The following NYAP2 variants were observed in gnomAD, a reference collection of about 807,000 sequenced individuals.
The protein encoded by NYAP2 is neuronal tyrosine-phosphorylated phosphoinositide-3-kinase adaptor 2.
In NYAP2, 23 loss-of-function variants were observed where a neutral mutation model predicts 50.4. That is an observed-to-expected ratio of 0.46 (90% CI 0.33 to 0.65). The LOEUF (loss-of-function observed/expected upper bound fraction) is 0.65. Among genes scored for constraint, NYAP2 ranks in the 30% least tolerant of loss-of-function variants. The pLI is 0.02. For synonymous variants in NYAP2, 394 were observed against 365.2 expected (o/e 1.08, Z -0.90); for missense variants, 885 against 861.0 (o/e 1.03, Z -0.35).
At chr2:225,645,063 C>T (rs1359380279) in intron 6 of NYAP2, among the ~76,000 whole-genome samples, 1 of 152,018 alleles carries the variant, frequency 6.6e-6, no homozygotes, top group East Asian at 1.9e-4. Context: ...GGTTCGAGAC[C>T]AGCTTGGCCA....
Position 225,626,899 on chromosome 2 carries a change from A to T in NYAP2, c.1619-18A>T. ...CTTTACTCTTGTTTAACAGAATGTAATTCTGGTTACTACACAGAATCAACA... is the reference window on the plus strand; with the variant it reads ...CTTTACTCTTGTTTAACAGAATGTATTTCTGGTTACTACACAGAATCAACA... On this transcript the variant is annotated intron_variant, in intron 5 of 6. Transcript: ENST00000636099. 6.5e-7 allele frequency: 1 copy of T among 1,537,872 alleles called. No individual in the cohort carries two copies. Among genetic ancestry groups the T allele is most frequent in the African/African-American group, 1.4e-5 (1 of 72,972 alleles).
At chr2:225,668,275 A>G in the NYAP2 span, among the ~76,000 whole-genome samples, 1 of 152,150 alleles carries the variant, frequency 6.6e-6, no homozygotes, top group Non-Finnish European at 1.5e-5. Flanking sequence ...CACCATGCTT[A>G]GCAAGAAAAC....
In NYAP2 at chr2:225,582,303, T is replaced by C. The variant is rs1045285164; in HGVS notation, c.886T>C (p.Cys296Arg). ...CGACCATCACAGCTGTTCTTCGCAGTGTGCTACTCCCACGGTGCCTGACTT... is the reference window on the plus strand; with the variant it reads ...CGACCATCACAGCTGTTCTTCGCAGCGTGCTACTCCCACGGTGCCTGACTT... The change falls in exon 5 of 7, where the codon TGT (cysteine) becomes CGT (arginine). Residue 296 changes from cysteine to arginine, a missense_variant. By Grantham distance (180) the Cys-to-Arg change is radical. Coordinates refer to ENST00000636099, the Ensembl canonical transcript of NYAP2. The surrounding 1 kb of genome is among the most constrained non-coding windows in gnomAD (Gnocchi z 7.0). 1.4e-5 allele frequency: 22 copies of C among 1,613,884 alleles called. No homozygotes were observed. The highest frequency in any genetic ancestry group is 2.7e-5 in the African/African-American group (2 of 74,936).
At position 225,518,567 on chromosome 2, in the gene NYAP2, T is replaced by TATATATATAAAA. The variant is rs1203016686; in HGVS notation, c.523+4897_523+4898insATATATAAAAAT. On this transcript the variant is annotated intron_variant, in intron 4 of 6. Transcript: ENST00000636099. The stretch of plus-strand genomic sequence containing the variant: ...ATATATATATATATATATATATATA[T>TATATATATAAAA]ATTAGCGTGTGCGCTTATATATATA... Among the ~76,000 whole-genome samples, 4 of 25,508 alleles carry TATATATATAAAA rather than the reference T, an allele frequency of 1.6e-4. 1 individual carries two copies. The Admixed American group carries it at 2.2e-3, about 14-fold the overall frequency. 16.7% of individuals were successfully genotyped at this position (25,508 alleles called of 152,430 possible).
chr2:225,457,597 G>A (rs1692920086), intron 3 of NYAP2, among the ~76,000 whole-genome samples: 1 of 152,178 alleles, frequency 6.6e-6, no homozygotes, highest in Admixed American at 6.5e-5. Context: ...CCTGAGTCCA[G>A]GGAACACGAT....
intron 4 of NYAP2, among the ~76,000 whole-genome samples, chr2:225,571,434 A>G (rs960376858): frequency 6.6e-6 from 1 of 152,212 alleles, no homozygotes; most frequent in Non-Finnish European, 1.5e-5. Flanking sequence ...ATTTCCATAC[A>G]TCCTTGGAAA....
chr2:225,558,773 A>G lies in NYAP2; in HGVS notation c.524-23168A>G, dbSNP rs575661092. ...AGCTTCTCTTTAAATTTATGGTTGC[A>G]GCTTCCTCTACGATGAGAGGCATCA... On this transcript the variant is annotated intron_variant, in intron 4 of 6. Transcript: ENST00000636099. Among the ~76,000 whole-genome samples, 8 of 152,258 alleles carry G rather than the reference A, an allele frequency of 5.3e-5. No individual in the cohort carries two copies. In the South Asian group the frequency reaches 6.2e-4, roughly 12 times the overall value.
At position 225,420,972 on chromosome 2, in the gene NYAP2, G is replaced by A. The variant is rs568961236; in HGVS notation, c.221+11871G>A. ...GAATCTCCCTCTGTTGCCCAGGCTGGAGTGCAGTGGCACAATCATGGCTCA... is the reference window on the plus strand; with the variant it reads ...GAATCTCCCTCTGTTGCCCAGGCTGAAGTGCAGTGGCACAATCATGGCTCA... On this transcript the variant is annotated intron_variant, in intron 3 of 6. Transcript: ENST00000636099. Among the ~76,000 whole-genome samples the A allele has an allele frequency of 4.6e-5, 7 of 151,814 alleles. No individual in the cohort carries two copies. The South Asian group carries it at 1.0e-3, about 23-fold the overall frequency.
At chr2:225,524,266 G>A (rs1691115081) in intron 4 of NYAP2, among the ~76,000 whole-genome samples, 1 of 152,290 alleles carries the variant, frequency 6.6e-6, no homozygotes, top group South Asian at 2.1e-4. Flanking sequence ...GAGTCTAAAA[G>A]TGGAAGAACT....
intron 3 of NYAP2, among the ~76,000 whole-genome samples, chr2:225,485,468 A>G (rs1690274430): frequency 6.6e-6 from 1 of 152,104 alleles, no homozygotes; most frequent in East Asian, 1.9e-4. Flanking sequence ...CATTTTTAGA[A>G]AGGTTACTTG....
At chr2:225,626,221 T>A (rs1444377086) in intron 5 of NYAP2, among the ~76,000 whole-genome samples, 3 of 152,208 alleles carry the variant, frequency 2.0e-5, no homozygotes, top group Non-Finnish European at 4.4e-5. Flanking sequence ...GGTCCAGGCA[T>A]CTGATAAAAT....
At chr2:225,671,052 A>G in the NYAP2 span, among the ~76,000 whole-genome samples, 1 of 152,100 alleles carries the variant, frequency 6.6e-6, no homozygotes, top group East Asian at 1.9e-4. Context: ...TGATCAGGGT[A>G]GTGGTTGCTG....
intron 4 of NYAP2, among the ~76,000 whole-genome samples, chr2:225,578,359 C>T (rs760028769): frequency 4.6e-5 from 7 of 152,112 alleles, no homozygotes; most frequent in African/African-American, 1.7e-4. Flanking sequence ...AGGGAAGAAG[C>T]TTGCCTAGAT....
At chr2:225,416,946 A>C (rs1233295479) in intron 3 of NYAP2, among the ~76,000 whole-genome samples, 1 of 152,202 alleles carries the variant, frequency 6.6e-6, no homozygotes, top group Non-Finnish European at 1.5e-5. Flanking sequence ...TGAATGATTA[A>C]ACAGAAGCCC....
intron 3 of NYAP2, among the ~76,000 whole-genome samples, chr2:225,469,179 C>A (rs908611292): frequency 2.6e-5 from 4 of 152,084 alleles, no homozygotes; most frequent in African/African-American, 9.7e-5. Context: ...AAGAAAAAAA[C>A]AACCCCATCA....
chr2:225,489,879 T>C (rs1690373864), intron 3 of NYAP2, among the ~76,000 whole-genome samples: 2 of 152,184 alleles, frequency 1.3e-5, no homozygotes, highest in Non-Finnish European at 2.9e-5. Context: ...CCAGCGTTTT[T>C]TAAAGCTCCC....
downstream of NYAP2, among the ~76,000 whole-genome samples, chr2:225,657,386 A>C (rs1239866806): frequency 1.3e-5 from 2 of 151,968 alleles, no homozygotes; most frequent in Non-Finnish European, 2.9e-5. Context: ...CTGGGATTAT[A>C]GGCGTGAGCC....
At chr2:225,599,157 C>G (rs114364570) in intron 5 of NYAP2, among the ~76,000 whole-genome samples, 1 of 152,018 alleles carries the variant, frequency 6.6e-6, no homozygotes, top group Non-Finnish European at 1.5e-5. Flanking sequence ...AAGGCATACC[C>G]GAGTTCCCGA....
At chr2:225,628,194 T>C (rs995918634) in intron 6 of NYAP2, among the ~76,000 whole-genome samples, 3 of 152,168 alleles carry the variant, frequency 2.0e-5, no homozygotes, top group African/African-American at 4.8e-5. Context: ...GAGTTAAAAT[T>C]TGGCCAAAGG....
Sources: allele counts gnomAD v4.1 joint callset (sites outside exome capture counted in the v4.1 genomes callset), GRCh38; gene constraint gnomAD v4.1.1; non-coding constraint Gnocchi (gnomAD v3.1); transcripts MANE v1.5; gene names NCBI Gene and HGNC (gene_info 2026-07-23, HGNC 2026-07-21).